The following IFT122 variants were observed in gnomAD, a reference collection of about 807,000 sequenced individuals.
IFT122 encodes the protein intraflagellar transport protein 122 homolog.
IFT122 carries 118 observed loss-of-function variants against 161.6 expected under a neutral mutation model. The ratio of observed to expected loss-of-function variants is 0.73; its 90% CI spans 0.63 to 0.85. The LOEUF (loss-of-function observed/expected upper bound fraction) is 0.85. Among genes scored for constraint, IFT122 ranks in the 40% least tolerant of loss-of-function variants. The probability of loss-of-function intolerance (pLI) is 0.00; values close to 1 mark genes in which losing one functional copy is unlikely to be tolerated. For synonymous variants in IFT122, 550 were observed against 602.4 expected (o/e 0.91, Z 1.27); for missense variants, 1,381 against 1,579.6 (o/e 0.87, Z 2.13).
rs796387422 is a variant in IFT122 at position 129,468,349 on chromosome 3, C to CT, written c.741-981dup. On this transcript the variant is annotated intron_variant, in intron 8 of 29. Coordinates refer to ENST00000348417, the MANE Select transcript of IFT122 (RefSeq NM_052989.3). ...AGCCTCAAGGGCTAGGAATGCTTTT[C>CT]TTTTTTTTTTTTGTGACAGAGTCTG... is the stretch of plus-strand genomic sequence containing the variant. Among the ~76,000 whole-genome samples, 343 of 145,240 alleles carry CT rather than the reference C, an allele frequency of 2.4e-3. 1 individual carries two copies. The highest frequency in any genetic ancestry group is 5.7e-3 in the South Asian group (26 of 4,532).
rs1229728116 is a variant in IFT122 at position 129,483,659 on chromosome 3, A to G, written c.1828A>G (p.Ile610Val). 6.9e-6 allele frequency: 11 copies of G among 1,605,612 alleles called. No homozygotes were observed. The Admixed American group carries it at 1.7e-4, about 25-fold the overall frequency. The change falls in exon 15 of 30, where the codon ATT becomes GTT. Residue 610 changes from isoleucine to valine, a missense_variant. Physicochemically the swap from Ile to Val is conservative, Grantham distance 29 (BLOSUM62 3). Coordinates refer to ENST00000348417, the MANE Select transcript of IFT122 (RefSeq NM_052989.3). ...SKIFCLHVFSISAVEVPQSAP... is the reference protein window; with the variant it reads ...SKIFCLHVFSVSAVEVPQSAP... ...GATCTTCTGCCTCCATGTCTTCTCC[A>G]TTTCTGCCGTGGAGGTGCCGCAGGT...
At chr3:129,464,802 C>T (rs1252059305) in intron 7 of IFT122, 21 bp downstream of exon 7, 2 of 1,613,846 alleles carry the variant, frequency 1.2e-6, no homozygotes, top group Admixed American at 3.3e-5. Context: ...AGTTGTCCTC[C>T]TTCTAGAACA....
At position 129,515,549 on chromosome 3, in the gene IFT122, A is replaced by G. The variant is rs2083387601; in HGVS notation, c.3215A>G (p.Asn1072Ser). The G allele has an allele frequency of 1.3e-6, 2 of 1,581,376 alleles. No homozygotes were observed. The highest frequency in any genetic ancestry group is 1.1e-5 in the South Asian group (1 of 90,082). The change falls in exon 26 of 30, where the codon AAC becomes AGC. Residue 1072 changes from asparagine to serine, a missense_variant. Coordinates refer to ENST00000348417, the MANE Select transcript of IFT122 (RefSeq NM_052989.3). The stretch of plus-strand genomic sequence containing the variant: ...AACCCGCTGCTCAACAACCTGGGCA[A>G]CGTCTGCATCAACTGCCGCCAGCCC... ...TNNPLLNNLGNVCINCRQPFI... is the reference protein window; with the variant it reads ...TNNPLLNNLGSVCINCRQPFI...
At chr3:129,514,729 C>T in intron 25 of IFT122, 175 bp downstream of exon 25, 1 of 761,504 alleles carries the variant, frequency 1.3e-6, no homozygotes, top group Non-Finnish European at 2.2e-6. Context: ...TGTCCACCTC[C>T]TGTTCTCCCC....
At chr3:129,506,632 A>T in intron 22 of IFT122, 83 bp downstream of exon 22, 1 of 1,580,072 alleles carries the variant, frequency 6.3e-7, no homozygotes, top group Non-Finnish European at 8.7e-7. Flanking sequence ...GGGACATTTT[A>T]ATTAAAGCCC....
At chr3:129,517,707 C>A in intron 27 of IFT122, 113 bp downstream of exon 27, 2 of 1,383,664 alleles carry the variant, frequency 1.4e-6, no homozygotes, top group Non-Finnish European at 2.0e-6. Context: ...TGAGCCTGGC[C>A]CTGTGTTCCC....
At chr3:129,478,273 C>A (rs895186222) in intron 12 of IFT122, 55 bp downstream of exon 12, 405 of 1,425,246 alleles carry the variant, frequency 2.8e-4, no homozygotes, top group Non-Finnish European at 3.8e-4. Context: ...GCTCCCCCCC[C>A]AGTGATAGGG....
At chr3:129,479,286 A>T (rs1399762149) in intron 12 of IFT122, among the ~76,000 whole-genome samples, 3 of 151,130 alleles carry the variant, frequency 2.0e-5, no homozygotes, top group African/African-American at 7.3e-5. Context: ...AAAATTATTT[A>T]ATTAGCTGGG....
intron 17 of IFT122, 73 bp downstream of exon 17, chr3:129,492,267 C>A: frequency 1.7e-6 from 2 of 1,154,796 alleles, no homozygotes; most frequent in Non-Finnish European, 2.6e-6. Flanking sequence ...GCCCTTCTAA[C>A]AGGCAAGAGC....
intron 26 of IFT122, among the ~76,000 whole-genome samples, chr3:129,516,369 G>GCA (rs1160474023): frequency 2.0e-4 from 20 of 99,188 alleles, no homozygotes; most frequent in African/African-American, 8.2e-4. Flanking sequence ...GACTGCCCCT[G>GCA]CACACACACA....
At chr3:129,466,833 A>C in intron 7 of IFT122, 57 bp from the exon 8 acceptor site, 1 of 1,539,510 alleles carries the variant, frequency 6.5e-7, no homozygotes. Context: ...ATTTTAAATT[A>C]TAGTTTTAGT....
At chr3:129,518,413 T>C (rs945889649) in intron 27 of IFT122, among the ~76,000 whole-genome samples, 3 of 152,190 alleles carry the variant, frequency 2.0e-5, no homozygotes, top group African/African-American at 4.8e-5. Flanking sequence ...TCTGCAGGCC[T>C]GGGGGCTGTA....
chr3:129,507,494 A>G (rs1342746002), intron 22 of IFT122, among the ~76,000 whole-genome samples, 174 bp from the exon 23 acceptor site: 1 of 152,150 alleles, frequency 6.6e-6, no homozygotes, highest in Non-Finnish European at 1.5e-5. Flanking sequence ...CCCTACTCCT[A>G]AGCAGAGTGG....
intron 3 of IFT122, among the ~76,000 whole-genome samples, chr3:129,457,164 T>C (rs1210533679): frequency 2.6e-5 from 4 of 152,212 alleles, no homozygotes; most frequent in Non-Finnish European, 2.9e-5. Flanking sequence ...TTTGCTGCCA[T>C]GGTACCGTGA....
At chr3:129,516,243 C>T (rs1319705922) in intron 26 of IFT122, among the ~76,000 whole-genome samples, 3 of 139,826 alleles carry the variant, frequency 2.1e-5, no homozygotes, top group Non-Finnish European at 3.1e-5. Flanking sequence ...ACTGCCCCTG[C>T]GTGCACACAC....
chr3:129,449,928 C>A lies in IFT122; in HGVS notation c.99C>A (p.Ser33Arg). ...CTCAACTGATTTTGGCTGCCGGAAGCAGATTACTGGTAGGATTTTGTCTTA... is the reference window on the plus strand; with the variant it reads ...CTCAACTGATTTTGGCTGCCGGAAGAAGATTACTGGTAGGATTTTGTCTTA... ...DGTQLILAAG[S>R]RLLVYDTSDG... The change falls in exon 2 of 30, where the codon AGC (serine) becomes AGA (arginine). Residue 33 changes from serine to arginine, a missense_variant. Coordinates refer to ENST00000348417, the MANE Select transcript of IFT122 (RefSeq NM_052989.3). 1 of 1,608,736 alleles carries A rather than the reference C, an allele frequency of 6.2e-7. No individual in the cohort carries two copies. Among genetic ancestry groups the A allele is most frequent in the Non-Finnish European group, 8.5e-7 (1 of 1,175,282 alleles).
In IFT122 at chr3:129,512,372, C is replaced by T. The variant is rs1386651327; in HGVS notation, c.2947C>T (p.His983Tyr). The change falls in exon 24 of 30, where the codon CAC becomes TAC. Residue 983 changes from histidine to tyrosine, a missense_variant. Transcript: ENST00000348417. ...TLFNISRFLL[H>Y]SLPKDTPSGI... ...TTTCAACATCTCCAGGTTCCTGCTG[C>T]ACAGCCTGCCCAAGGACACCCCCTC... The T allele has an allele frequency of 3.1e-6, 5 of 1,613,914 alleles. No individual in the cohort carries two copies. In the South Asian group the frequency reaches 5.5e-5, roughly 18 times the overall value.
chr3:129,495,534 T>C lies in IFT122; in HGVS notation c.2135T>C (p.Leu712Pro), dbSNP rs1224050823. 1.2e-6 allele frequency: 2 copies of C among 1,614,164 alleles called. No individual in the cohort carries two copies. Among genetic ancestry groups the C allele is most frequent in the South Asian group, 1.1e-5 (1 of 91,078 alleles). The change falls in exon 18 of 30, where the codon CTG becomes CCG. Residue 712 changes from leucine to proline, a missense_variant. Leu to Pro is a moderately conservative substitution (Grantham distance 98, BLOSUM62 -3). Coordinates refer to ENST00000348417, the MANE Select transcript of IFT122 (RefSeq NM_052989.3). The stretch of plus-strand genomic sequence containing the variant: ...GGGAAGTTCCATGAGGCCGCCAAAC[T>C]GTACAAGAGGAGTGGGCACGAGAAC... ...YQGKFHEAAKLYKRSGHENLA... is the reference protein window; with the variant it reads ...YQGKFHEAAKPYKRSGHENLA...
chr3:129,508,169 T>A (rs2082380742), intron 23 of IFT122, among the ~76,000 whole-genome samples: 1 of 152,276 alleles, frequency 6.6e-6, no homozygotes, highest in Non-Finnish European at 1.5e-5. Flanking sequence ...AGCAATTCAC[T>A]TTCCCTCTCT....
Sources: allele counts gnomAD v4.1 joint callset (sites outside exome capture counted in the v4.1 genomes callset), GRCh38; gene constraint gnomAD v4.1.1; transcripts MANE v1.5; gene names NCBI Gene and HGNC (gene_info 2026-07-23, HGNC 2026-07-21).